OTOGL: variants seen among roughly 807,000 people sequenced by gnomAD.
OTOGL encodes the protein otogelin-like protein.
A neutral mutation model predicts 318.5 loss-of-function variants in OTOGL; 285 were observed. The observed-to-expected ratio is 0.89, with a 90% CI of 0.81 to 0.99. OTOGL has a LOEUF of 0.99. OTOGL is among the 50% of genes least tolerant of loss of function. OTOGL has a pLI of 0.00. For missense variants in OTOGL, 2,899 were observed against 2,845.6 expected (o/e 1.02, Z -0.43); for synonymous variants, 987 against 936.5 (o/e 1.05, Z -0.99).
At chr12:80,294,559 T>C (rs1299166537) in intron 26 of OTOGL, among the ~76,000 whole-genome samples, 1 of 152,154 alleles carries the variant, frequency 6.6e-6, no homozygotes, top group Non-Finnish European at 1.5e-5. Flanking sequence ...CCTTATTATT[T>C]CTCAAAAGGA....
chr12:80,144,237 T>C (rs1872169858), intron 1 of OTOGL, among the ~76,000 whole-genome samples: 1 of 151,896 alleles, frequency 6.6e-6, no homozygotes, highest in Non-Finnish European at 1.5e-5. Flanking sequence ...CCCCAGAGTG[T>C]GATGTTCCCC....
chr12:80,369,461 G>C (rs1388089627), intron 55 of OTOGL, among the ~76,000 whole-genome samples: 1 of 152,080 alleles, frequency 6.6e-6, no homozygotes, highest in Non-Finnish European at 1.5e-5. Context: ...GCTTTTAAGA[G>C]TGTAGCAGTT....
At position 80,378,305 on chromosome 12, in the gene OTOGL, A is replaced by C; in HGVS notation, c.*257A>C. On this transcript the variant is annotated 3_prime_UTR_variant, in exon 59 of 59. Transcript: ENST00000547103. ...GAAATGCTGTTATGTATTTAATTAC[A>C]ACTTGGTGCAGATACAGTATATTCT... The C allele has an allele frequency of 5.6e-6, 2 of 355,526 alleles. No individual in the cohort carries two copies. Among genetic ancestry groups the C allele is most frequent in the South Asian group, 8.9e-5 (2 of 22,524 alleles). 22.0% of individuals were successfully genotyped at this position (355,526 alleles called of 1,614,324 possible).
chr12:80,320,795 T>C (rs1887284652), intron 34 of OTOGL, 95 bp downstream of exon 34: 7 of 1,275,726 alleles, frequency 5.5e-6, no homozygotes, highest in African/African-American at 1.5e-5. Flanking sequence ...TCTTACTGCA[T>C]ATAAGCAGAT....
intron 29 of OTOGL, among the ~76,000 whole-genome samples, chr12:80,307,866 G>A (rs1412830948): frequency 4.9e-5 from 7 of 141,864 alleles, no homozygotes; most frequent in African/African-American, 2.0e-4. Context: ...CCGGGCGGGG[G>A]GCTGACCCCC....
At chr12:80,145,740 G>C (rs1400443965) in intron 1 of OTOGL, among the ~76,000 whole-genome samples, 1 of 151,976 alleles carries the variant, frequency 6.6e-6, no homozygotes, top group Non-Finnish European at 1.5e-5. Flanking sequence ...TCATTGAGCA[G>C]TGGTTTGTAG....
intron 29 of OTOGL, among the ~76,000 whole-genome samples, chr12:80,309,340 C>T (rs932893074): frequency 3.9e-5 from 6 of 151,984 alleles, no homozygotes; most frequent in Non-Finnish European, 5.9e-5. Flanking sequence ...AAGAAAGGTT[C>T]CTGGAGAAGG....
intron 1 of OTOGL, among the ~76,000 whole-genome samples, chr12:80,144,432 C>T (rs1872187037): frequency 6.7e-6 from 1 of 150,146 alleles, no homozygotes. Context: ...ATATGTGCCA[C>T]ATTTTCTTAA....
chr12:80,177,641 G>A (rs1043086911), intron 1 of OTOGL, among the ~76,000 whole-genome samples: 2 of 151,992 alleles, frequency 1.3e-5, no homozygotes, highest in Non-Finnish European at 1.5e-5. Context: ...TTGTGTTTGG[G>A]ATGACATTTA....
At chr12:80,138,728 A>G (rs1365105062) in intron 1 of OTOGL, among the ~76,000 whole-genome samples, 4 of 152,206 alleles carry the variant, frequency 2.6e-5, no homozygotes, top group African/African-American at 9.6e-5. Context: ...TGACAAGAGT[A>G]TAATAACAGA....
At chr12:80,361,212 A>G (rs1890220292) in intron 52 of OTOGL, 1 of 152,108 alleles carries the variant, frequency 6.6e-6, no homozygotes, top group African/African-American at 2.4e-5. Flanking sequence ...TAGATTCTGC[A>G]TATAAATGAG....
Position 80,241,695 on chromosome 12 carries a change from T to C in OTOGL, c.1052+2256T>C, listed in dbSNP as rs150398155. Among the ~76,000 whole-genome samples the C allele has an allele frequency of 4.6e-5, 7 of 152,280 alleles. No homozygotes were observed. In the East Asian group the frequency reaches 1.4e-3, roughly 29 times the overall value. On this transcript the variant is annotated intron_variant, in intron 11 of 58. Transcript: ENST00000547103. ...TCATTCTGCATTTTTTAGTTCAGGA[T>C]GTTGTTTAGCCGCTTCAACAGCTAA...
intron 26 of OTOGL, among the ~76,000 whole-genome samples, chr12:80,285,090 G>A (rs545356736): frequency 2.8e-4 from 42 of 151,910 alleles, no homozygotes; most frequent in Middle Eastern, 3.4e-3. Context: ...TCAGTTTTCC[G>A]CATATGGTTA....
intron 1 of OTOGL, among the ~76,000 whole-genome samples, chr12:80,156,494 T>C (rs1261168733): frequency 6.6e-6 from 1 of 152,192 alleles, no homozygotes; most frequent in African/African-American, 2.4e-5. Context: ...GACACTGATA[T>C]GGTTTGGCTG....
intron 32 of OTOGL, among the ~76,000 whole-genome samples, chr12:80,316,222 G>C (rs895056308): frequency 2.0e-5 from 3 of 152,260 alleles, no homozygotes; most frequent in African/African-American, 7.2e-5. Context: ...ATACATCCTA[G>C]TGTAGGGATG....
At chr12:80,181,196 A>C (rs1874893999) in intron 1 of OTOGL, among the ~76,000 whole-genome samples, 1 of 151,184 alleles carries the variant, frequency 6.6e-6, no homozygotes, top group Non-Finnish European at 1.5e-5. Flanking sequence ...CAATTAGCAT[A>C]CTTTTTTTTA....
Position 80,279,075 on chromosome 12 carries a change from C to G in OTOGL, c.2837C>G (p.Ala946Gly). Residue 946 changes from alanine to glycine, a missense_variant, in exon 26 of 59, where the codon GCA becomes GGA. By Grantham distance (60) the Ala-to-Gly change is moderately conservative. This residue lies in a region of OTOGL where 2,607 missense variants were observed against 2,524.9 expected (regional missense o/e 1.03). Coordinates refer to ENST00000547103, the MANE Select transcript of OTOGL (RefSeq NM_001378609.3). ...AATTGCACATATTATCCATGCCCAG[C>G]AGTGTGCACAATATACGGGGACCGA... Reference protein sequence around the residue: ...MFNCTYYPCPAVCTIYGDRHY... With the variant: ...MFNCTYYPCPGVCTIYGDRHY... The G allele has an allele frequency of 2.5e-6, 4 of 1,595,088 alleles. No individual in the cohort carries two copies. Among genetic ancestry groups the G allele is most frequent in the Middle Eastern group, 1.7e-4 (1 of 6,034 alleles).
chr12:80,229,217 G>A, intron 7 of OTOGL, 40 bp from the exon 8 acceptor site: 2 of 1,577,726 alleles, frequency 1.3e-6, no homozygotes, highest in South Asian at 1.1e-5. Context: ...CAGATTTATT[G>A]TTTGTTCCTA....
rs774751341 is a variant in OTOGL, at chr12:80,262,111, A to G, written c.2014+18A>G. 1 of 1,597,272 alleles carries G rather than the reference A, an allele frequency of 6.3e-7. No individual in the cohort carries two copies. Among genetic ancestry groups the G allele is most frequent in the Non-Finnish European group, 8.5e-7 (1 of 1,170,576 alleles). ...ACAAAACAGTAAGTTTTGCATGTAA[A>G]CTTCCTTTCTGCTGTAAACTTAGGG... is the stretch of plus-strand genomic sequence containing the variant. On this transcript the variant is annotated intron_variant, in intron 19 of 58. Transcript: ENST00000547103.
Sources: allele counts gnomAD v4.1 joint callset (sites outside exome capture counted in the v4.1 genomes callset), GRCh38; gene constraint gnomAD v4.1.1; regional missense constraint gnomAD v4.1.1; transcripts MANE v1.5; gene names NCBI Gene and HGNC (gene_info 2026-07-23, HGNC 2026-07-21).